Variants in UBXN6 observed in about 807,000 individuals in gnomAD.
UBXN6 encodes UBX domain protein 6.
UBXN6 carries 44 observed loss-of-function variants against 51.4 expected under a neutral mutation model. That is an observed-to-expected ratio of 0.86 (90% CI 0.67 to 1.10). The LOEUF is 1.10. Ranked by LOEUF, UBXN6 falls within the 50% of genes least tolerant of loss-of-function variation. The pLI is 0.00. For missense variants in UBXN6, 672 were observed against 596.1 expected, an observed-to-expected ratio of 1.13 and a Z score of -1.32; for synonymous variants, 316 against 263.2, an observed-to-expected ratio of 1.20 and a Z score of -1.94.
intron 3 of UBXN6, 36 bp from the exon 4 acceptor site, chr19:4,452,528 A>T: frequency 6.3e-7 from 1 of 1,594,932 alleles, no homozygotes; most frequent in South Asian, 1.1e-5. Context: ...TGGACCGTGG[A>T]CAGAGGCCAC....
intron 4 of UBXN6, chr19:4,449,643 G>A (rs930778485): frequency 1.3e-5 from 2 of 152,338 alleles, no homozygotes; most frequent in Non-Finnish European, 2.9e-5. Flanking sequence ...TTGGGCGACT[G>A]GCTGCCAGGC....
chr19:4,445,355 G>T lies in UBXN6; in HGVS notation c.*143C>A. ...CTCTGCCACGGGGCCCAATTCCACA[G>T]CTCCACGGCTGGCGCCCCTCCCGTG... is the stretch of plus-strand genomic sequence containing the variant. On this transcript the variant is annotated 3_prime_UTR_variant, in exon 11 of 11. Transcript: ENST00000301281. 1 of 1,404,060 alleles carries T rather than the reference G, an allele frequency of 7.1e-7. No individual in the cohort carries two copies. The highest frequency in any genetic ancestry group is 9.7e-7 in the Non-Finnish European group (1 of 1,032,728). 87.0% of individuals were successfully genotyped at this position (1,404,060 alleles called of 1,614,324 possible).
chr19:4,446,649 C>T lies in UBXN6; in HGVS notation c.771G>A (p.Lys257=), dbSNP rs774653205. 8.7e-6 allele frequency: 14 copies of T among 1,612,346 alleles called. No homozygotes were observed. The highest frequency in any genetic ancestry group is 8.5e-7 in the Non-Finnish European group (1 of 1,179,536). Residue 257 remains lysine (K), a synonymous_variant, in exon 8 of 11, where the codon AAG becomes AAA. Coordinates refer to ENST00000301281, the MANE Select transcript of UBXN6 (RefSeq NM_025241.3). ...CGGGCTCCGCAGCCAGCAGCTGTTC[C>T]TTGTGCCTCTCCAGGCTCTGGGGCT... The part of the protein sequence containing the change: ...LAQPQSLERH[K]EQLLAAEPVR...
At position 4,445,564 on chromosome 19, in the gene UBXN6, G is replaced by C. The variant is rs375913154; in HGVS notation, c.1260C>G (p.Ala420=). ...WDMAVLEDIK[A]AGAEPDSILK... ...GGATGGAGTCCGGCTCGGCCCCCGC[G>C]GCCTTGATGTCCTCCAGCACAGCCA... The change falls in exon 11 of 11, where the codon GCC becomes GCG. Residue 420 remains alanine, a synonymous_variant. Coordinates refer to ENST00000301281, the MANE Select transcript of UBXN6 (RefSeq NM_025241.3). 1 of 1,613,816 alleles carries C rather than the reference G, an allele frequency of 6.2e-7. No individual in the cohort carries two copies. The highest frequency in any genetic ancestry group is 1.1e-5 in the South Asian group (1 of 91,090).
In UBXN6 at chr19:4,455,229, T is replaced by G. The variant is rs1267368754; in HGVS notation, c.84-1136A>C. On this transcript the variant is annotated intron_variant, in intron 1 of 10. Coordinates refer to ENST00000301281, the MANE Select transcript of UBXN6 (RefSeq NM_025241.3). ...CCCTCCCATGAACTTACGGGCTGTG[T>G]CAATTTCTGTGCCGTAGGTCTATTA... is the stretch of plus-strand genomic sequence containing the variant. 1.0e-5 allele frequency: 10 copies of G among 985,340 alleles called. No individual in the cohort carries two copies. In the East Asian group the frequency reaches 1.0e-3, roughly 101 times the overall value. The allele number at this position is 985,340 out of a possible 1,614,324, so 61.0% of individuals were successfully genotyped here.
intron 10 of UBXN6, 182 bp from the exon 11 acceptor site, chr19:4,445,805 A>G: frequency 9.0e-7 from 1 of 1,107,598 alleles, no homozygotes; most frequent in Non-Finnish European, 1.3e-6. Flanking sequence ...CTAAGCCTAA[A>G]CCTACTGCAC....
In UBXN6 at chr19:4,448,192, G is replaced by A. The variant is rs373243636; in HGVS notation, c.539+126C>T. The A allele has an allele frequency of 4.4e-4, 368 of 839,116 alleles. 3 individuals are homozygous for A. The South Asian group carries it at 5.3e-3, about 12-fold the overall frequency. 52.0% of individuals were successfully genotyped at this position (839,116 alleles called of 1,614,324 possible). A position where few individuals can be genotyped will look rare whatever the true frequency, so the allele number is the denominator to read the frequency against. The stretch of plus-strand genomic sequence containing the variant: ...CTCTGGGTGGAGCTGCCTCACTCTC[G>A]GCCTATGCTCCTTCCCAACCCACCT... On this transcript the variant is annotated intron_variant, in intron 5 of 10. Transcript: ENST00000301281.
intron 4 of UBXN6, 60 bp from the exon 5 acceptor site, chr19:4,448,475 C>T: frequency 7.2e-7 from 1 of 1,394,226 alleles, no homozygotes; most frequent in Non-Finnish European, 9.9e-7. Context: ...CGGCCCTCCG[C>T]TGCCCAGGTA....
rs1974554908 is a variant in UBXN6 at position 4,447,312 on chromosome 19, G to C, written c.615+238C>G. On this transcript the variant is annotated intron_variant, in intron 6 of 10. Coordinates refer to ENST00000301281, the MANE Select transcript of UBXN6 (RefSeq NM_025241.3). ...CCCAAACAAGCCCAGCTGAAGAGGA[G>C]GAAAAGGATGCAGGTGAGGAGAGGC... The C allele has an allele frequency of 8.6e-6, 5 of 581,860 alleles. No individual in the cohort carries two copies. In the East Asian group the frequency reaches 1.1e-4, roughly 13 times the overall value. The allele number at this position is 581,860 out of a possible 1,614,324, so 36.0% of individuals were successfully genotyped here.
chr19:4,447,457 G>T, intron 6 of UBXN6, 93 bp downstream of exon 6: 3 of 1,392,312 alleles, frequency 2.2e-6, no homozygotes, highest in South Asian at 2.3e-5. Context: ...CTCCTCCAGG[G>T]AGCCCACCGC....
chr19:4,445,881 C>A, intron 10 of UBXN6, 168 bp downstream of exon 10: 5 of 1,195,818 alleles, frequency 4.2e-6, no homozygotes, highest in Non-Finnish European at 5.7e-6. Context: ...TATGAACTTG[C>A]TCGAGGCCCT....
chr19:4,452,250 G>C, intron 4 of UBXN6, 114 bp downstream of exon 4: 8 of 1,466,588 alleles, frequency 5.5e-6, no homozygotes, highest in Non-Finnish European at 5.5e-6. Context: ...TTCACTACTA[G>C]CAGTGGCCTC....
intron 3 of UBXN6, among the ~76,000 whole-genome samples, chr19:4,452,839 C>T (rs544277504): frequency 3.3e-5 from 5 of 152,318 alleles, no homozygotes; most frequent in South Asian, 2.1e-4. Context: ...TGGGTGTCTG[C>T]GGGCACAGTG....
In UBXN6 at chr19:4,457,611, G is replaced by T. The variant is rs369595122; in HGVS notation, c.83+4C>A. On this transcript the variant is annotated splice_donor_region_variant and intron_variant, in intron 1 of 10. Coordinates refer to ENST00000301281, the MANE Select transcript of UBXN6 (RefSeq NM_025241.3). Reference sequence around the variant, plus strand: ...GGCCTCAAGCCCCTGCGTTCCTCACGCACCCCACGGACTCTTTGAGCTTCT... The same window carrying T: ...GGCCTCAAGCCCCTGCGTTCCTCACTCACCCCACGGACTCTTTGAGCTTCT... 8.8e-6 allele frequency: 14 copies of T among 1,588,530 alleles called. No individual in the cohort carries two copies. In the African/African-American group the frequency reaches 1.8e-4, roughly 21 times the overall value.
At chr19:4,452,551 C>T (rs1385785346) in intron 3 of UBXN6, 59 bp from the exon 4 acceptor site, 34 of 1,559,414 alleles carry the variant, frequency 2.2e-5, no homozygotes, top group Non-Finnish European at 2.8e-5. Flanking sequence ...CGACCCTCGC[C>T]GAGCACCACA....
At chr19:4,447,365 G>T in intron 6 of UBXN6, 185 bp downstream of exon 6, 1 of 624,104 alleles carries the variant, frequency 1.6e-6, no homozygotes, top group South Asian at 1.8e-5. Context: ...GGTGACCGGT[G>T]CATAAAAGTC....
Position 4,445,152 on chromosome 19 carries a change from C to G in UBXN6, c.*346G>C, listed in dbSNP as rs149240636. 3 of 274,234 alleles carry G rather than the reference C, an allele frequency of 1.1e-5. No homozygotes were observed. Among genetic ancestry groups the G allele is most frequent in the African/African-American group, 2.2e-5 (1 of 44,736 alleles). The allele number at this position is 274,234 out of a possible 1,614,324, so 17.0% of individuals were successfully genotyped here. A position where few individuals can be genotyped will look rare whatever the true frequency, so the allele number is the denominator to read the frequency against. ...TGCAGCCACTGCCACCCACGGCACA[C>G]GGGAACAGGACCCATGCTGCAGGCC... On this transcript the variant is annotated 3_prime_UTR_variant, in exon 11 of 11. Coordinates refer to ENST00000301281, the MANE Select transcript of UBXN6 (RefSeq NM_025241.3).
At chr19:4,454,233 G>T in intron 1 of UBXN6, 140 bp from the exon 2 acceptor site, 2 of 926,124 alleles carry the variant, frequency 2.2e-6, no homozygotes, top group Non-Finnish European at 3.1e-6. Flanking sequence ...CAGGACACCT[G>T]GTTCCCAGGG....
chr19:4,446,664 G>T lies in UBXN6; in HGVS notation c.756C>A (p.Ser252Arg), dbSNP rs776229378. Reference protein sequence around the residue: ...LSETTLAQPQSLERHKEQLLA... With the variant: ...LSETTLAQPQRLERHKEQLLA... ...GCAGCTGTTCCTTGTGCCTCTCCAG[G>T]CTCTGGGGCTGGGCCAAGGTGGTCT... Residue 252 changes from serine to arginine, a missense_variant, in exon 8 of 11, where the codon AGC (serine) becomes AGA (arginine). By Grantham distance (110) the Ser-to-Arg change is moderately radical. Coordinates refer to ENST00000301281, the MANE Select transcript of UBXN6 (RefSeq NM_025241.3). 9.3e-6 allele frequency: 15 copies of T among 1,612,024 alleles called. No individual in the cohort carries two copies. The Admixed American group carries it at 2.5e-4, about 27-fold the overall frequency.
Sources: gnomAD v4.1 joint callset for allele counts (sites outside exome capture counted in the v4.1 genomes callset) on GRCh38, gnomAD v4.1.1 for gene constraint, MANE v1.5 for transcripts, NCBI Gene and HGNC (gene_info 2026-07-23, HGNC 2026-07-21) for gene names.